Variants in IMMP2L observed in about 807,000 individuals in gnomAD.
IMMP2L encodes the protein mitochondrial inner membrane protease subunit 2.
In IMMP2L, 18 loss-of-function variants were observed where a neutral mutation model predicts 19.3. The ratio of observed to expected loss-of-function variants is 0.93; its 90% CI spans 0.64 to 1.38. The LOEUF is 1.38. Ranked by LOEUF, IMMP2L falls within the 40% of genes most tolerant of loss-of-function variation. IMMP2L has a pLI of 0.00. For missense variants in IMMP2L, 233 were observed against 218.2 expected, an observed-to-expected ratio of 1.07 and a Z score of -0.43; for synonymous variants, 76 against 73.0, an observed-to-expected ratio of 1.04 and a Z score of -0.21.
In IMMP2L at chr7:111,268,569, CTTTTTTTTTTTTTTTTTTTTTT is replaced by C. The variant is rs762576425; in HGVS notation, c.239+218647_239+218668del. Reference sequence around the variant, plus strand: ...GATATGAGTTAAACTTCACATTTCTCTTTTTTTTTTTTTTTTTTTTTTTTTTTTTTTTTTTTTTTTTGAGACC... The same window carrying C: ...GATATGAGTTAAACTTCACATTTCTCTTTTTTTTTTTTTTTTTTTGAGACC... On this transcript the variant is annotated intron_variant, in intron 3 of 5. Coordinates refer to ENST00000405709, the MANE Select transcript of IMMP2L (RefSeq NM_032549.4). Among the ~76,000 whole-genome samples the C allele has an allele frequency of 5.7e-3, 254 of 44,592 alleles. 1 individual carries two copies. The highest frequency in any genetic ancestry group is 0.011 in the African/African-American group (109 of 9,824). 29.3% of individuals were successfully genotyped at this position (44,592 alleles called of 152,430 possible). A position where few individuals can be genotyped will look rare whatever the true frequency, so the allele number is the denominator to read the frequency against.
intron 3 of IMMP2L, among the ~76,000 whole-genome samples, chr7:111,164,155 GGAAGGAA>G (rs1805571962): frequency 6.6e-6 from 1 of 151,490 alleles, no homozygotes; most frequent in East Asian, 2.0e-4. Context: ...AAGGAAGGAA[GGAAGGAA>G]GGCAGGAAGG....
intron 3 of IMMP2L, among the ~76,000 whole-genome samples, chr7:111,268,798 C>T (rs1818132792): frequency 6.6e-6 from 1 of 151,548 alleles, no homozygotes; most frequent in African/African-American, 2.4e-5. Context: ...TGCAACCTCA[C>T]CCTGTTGCCC....
intron 2 of IMMP2L, among the ~76,000 whole-genome samples, chr7:111,491,394 G>A (rs568055725): frequency 3.3e-5 from 5 of 152,022 alleles, no homozygotes; most frequent in Non-Finnish European, 7.4e-5. Context: ...AGTGAACTGC[G>A]CTACCTTATT....
chr7:111,316,941 C>A (rs762058523), intron 3 of IMMP2L, among the ~76,000 whole-genome samples: 7 of 150,498 alleles, frequency 4.7e-5, no homozygotes, highest in Non-Finnish European at 8.9e-5. Flanking sequence ...GCTCCGCCTC[C>A]CGAGTTCAAG....
At chr7:111,115,165 T>C (rs1799726083) in intron 3 of IMMP2L, among the ~76,000 whole-genome samples, 1 of 152,096 alleles carries the variant, frequency 6.6e-6, no homozygotes, top group African/African-American at 2.4e-5. Flanking sequence ...AAAAGGCAAA[T>C]CAGGCAATCA....
intron 3 of IMMP2L, chr7:111,124,869 T>G: frequency 1.2e-6 from 2 of 1,603,046 alleles, no homozygotes; most frequent in Non-Finnish European, 1.7e-6. Flanking sequence ...TAAAAGCAAC[T>G]GTTATAGGTT....
chr7:111,010,190 TC>T (rs1373055390), intron 3 of IMMP2L, among the ~76,000 whole-genome samples: 1 of 152,142 alleles, frequency 6.6e-6, no homozygotes, highest in Non-Finnish European at 1.5e-5. Flanking sequence ...TCATTCTGCT[TC>T]CTTTCTTAGT....
At chr7:110,977,408 G>A (rs187969686) in intron 3 of IMMP2L, among the ~76,000 whole-genome samples, 8 of 152,064 alleles carry the variant, frequency 5.3e-5, no homozygotes, top group East Asian at 1.9e-4. Flanking sequence ...ATAAGCGGCC[G>A]AGCATCTGCT....
intron 5 of IMMP2L, among the ~76,000 whole-genome samples, chr7:110,693,327 C>G (rs1370305430): frequency 6.6e-6 from 1 of 152,144 alleles, no homozygotes; most frequent in African/African-American, 2.4e-5. Flanking sequence ...CATCTTATAC[C>G]AGGACTATTT....
At position 111,281,282 on chromosome 7, in the gene IMMP2L, GGAAA is replaced by G. The variant is rs1219905486; in HGVS notation, c.239+205952_239+205955del. ...GAAAGAGAGAGAGAAAGAAAGAGAA[GGAAA>G]GAAAGAAGGAAGGAAGGAAGGAAAG... On this transcript the variant is annotated intron_variant, in intron 3 of 5. Coordinates refer to ENST00000405709, the MANE Select transcript of IMMP2L (RefSeq NM_032549.4). Among the ~76,000 whole-genome samples the G allele has an allele frequency of 5.5e-5, 8 of 146,682 alleles. No homozygotes were observed. The East Asian group carries it at 6.0e-4, about 11-fold the overall frequency.
At chr7:111,263,193 A>C (rs930406583) in intron 3 of IMMP2L, among the ~76,000 whole-genome samples, 1 of 152,140 alleles carries the variant, frequency 6.6e-6, no homozygotes, top group Admixed American at 6.6e-5. Flanking sequence ...CAAATACTAT[A>C]AGGTGCCAAG....
At chr7:111,308,653 G>C (rs1035996111) in intron 3 of IMMP2L, among the ~76,000 whole-genome samples, 1 of 151,522 alleles carries the variant, frequency 6.6e-6, no homozygotes, top group African/African-American at 2.4e-5. Flanking sequence ...AAATTACATG[G>C]AACAAATGAG....
At chr7:111,514,283 G>A (rs972755952) in intron 2 of IMMP2L, among the ~76,000 whole-genome samples, 1 of 151,942 alleles carries the variant, frequency 6.6e-6, no homozygotes, top group Non-Finnish European at 1.5e-5. Context: ...AAAATATCAT[G>A]TATACTGTTC....
intron 5 of IMMP2L, among the ~76,000 whole-genome samples, chr7:110,691,485 T>C (rs1793501819): frequency 6.6e-6 from 1 of 152,040 alleles, no homozygotes; most frequent in Admixed American, 6.6e-5. Flanking sequence ...CTAAACAGCT[T>C]CTGCACAGCA....
intron 3 of IMMP2L, among the ~76,000 whole-genome samples, chr7:111,355,421 A>G (rs1828598443): frequency 6.6e-6 from 1 of 151,678 alleles, no homozygotes; most frequent in African/African-American, 2.4e-5. Context: ...ACTCTTCAAA[A>G]CTTCTTCAAT....
chr7:111,191,464 ACACACACAC>A (rs1808866880), intron 3 of IMMP2L, among the ~76,000 whole-genome samples: 1 of 151,042 alleles, frequency 6.6e-6, no homozygotes, highest in Non-Finnish European at 1.5e-5. Context: ...ACACACACAC[ACACACACAC>A]AAAACTTATA....
intron 3 of IMMP2L, among the ~76,000 whole-genome samples, chr7:111,447,417 A>C (rs1838603962): frequency 6.6e-6 from 1 of 150,532 alleles, no homozygotes; most frequent in Admixed American, 6.6e-5. Flanking sequence ...ATTCTTAAAG[A>C]AAAGAATTTT....
chr7:111,386,710 C>T (rs573789150), intron 3 of IMMP2L, among the ~76,000 whole-genome samples: 1 of 152,112 alleles, frequency 6.6e-6, no homozygotes. Context: ...CTTCCCTGTG[C>T]GATCATAATC....
chr7:111,020,572 G>T (rs1826179499), intron 3 of IMMP2L, among the ~76,000 whole-genome samples: 1 of 152,112 alleles, frequency 6.6e-6, no homozygotes, highest in African/African-American at 2.4e-5. Flanking sequence ...GACCAGCCTG[G>T]GCAAAATGGT....
Sources: gnomAD v4.1 joint callset for allele counts (sites outside exome capture counted in the v4.1 genomes callset) on GRCh38, gnomAD v4.1.1 for gene constraint, MANE v1.5 for transcripts, NCBI Gene and HGNC (gene_info 2026-07-23, HGNC 2026-07-21) for gene names.